Variants in SORCS2 observed in about 807,000 individuals in gnomAD.
The protein encoded by SORCS2 is sortilin related VPS10 domain containing receptor 2.
Under a neutral mutation model 141.6 loss-of-function variants are expected in SORCS2, and 100 were observed. That is an observed-to-expected ratio of 0.71 (90% CI 0.60 to 0.83). The LOEUF is 0.83. Among genes scored for constraint, SORCS2 ranks in the 40% least tolerant of loss-of-function variants. The pLI, the probability that SORCS2 is intolerant of heterozygous loss-of-function variation, is 0.00. For missense variants in SORCS2, 1,646 were observed against 1,560.2 expected, an observed-to-expected ratio of 1.05 and a Z score of -0.93; for synonymous variants, 789 against 676.9, an observed-to-expected ratio of 1.17 and a Z score of -2.57.
intron 3 of SORCS2, among the ~76,000 whole-genome samples, chr4:7,542,211 T>G (rs544691116): frequency 6.6e-6 from 1 of 152,242 alleles, no homozygotes; most frequent in African/African-American, 2.4e-5. Context: ...AATCAGTGAT[T>G]ATCAATTATT....
intron 2 of SORCS2, among the ~76,000 whole-genome samples, chr4:7,473,895 T>G (rs1730132741): frequency 6.6e-6 from 1 of 152,214 alleles, no homozygotes; most frequent in East Asian, 1.9e-4. Context: ...CTCCTTCCAG[T>G]GCATTCTGCA....
chr4:7,370,069 G>GC (rs1235928588), intron 1 of SORCS2, among the ~76,000 whole-genome samples: 2 of 152,292 alleles, frequency 1.3e-5, no homozygotes, highest in Admixed American at 6.5e-5. Context: ...TGGCCTCAGT[G>GC]CCCCCCCAGC....
chr4:7,250,066 AC>A (rs1250995845), intron 1 of SORCS2, among the ~76,000 whole-genome samples: 1 of 152,076 alleles, frequency 6.6e-6, no homozygotes, highest in African/African-American at 2.4e-5. Flanking sequence ...ACATGGTGAA[AC>A]CCCATCTCTA....
chr4:7,356,004 G>C (rs777754819), intron 1 of SORCS2, among the ~76,000 whole-genome samples: 1 of 152,182 alleles, frequency 6.6e-6, no homozygotes, highest in Non-Finnish European at 1.5e-5. Flanking sequence ...AGCCACTCTG[G>C]CCCTCTTTCT....
intron 1 of SORCS2, among the ~76,000 whole-genome samples, chr4:7,349,009 C>T (rs756461998): frequency 1.3e-5 from 2 of 152,226 alleles, no homozygotes; most frequent in Non-Finnish European, 2.9e-5. Context: ...CCCTTCCCCC[C>T]TCTGGCTTCC....
At position 7,387,915 on chromosome 4, in the gene SORCS2, C is replaced by A. The variant is rs923450813; in HGVS notation, c.481-8373C>A. Among the ~76,000 whole-genome samples the A allele has an allele frequency of 2.0e-5, 3 of 150,502 alleles. No individual in the cohort carries two copies. The East Asian group carries it at 5.9e-4, about 30-fold the overall frequency. On this transcript the variant is annotated intron_variant, in intron 1 of 26. Coordinates refer to ENST00000507866, the MANE Select transcript of SORCS2 (RefSeq NM_020777.3). ...AGGCACACAGAGATATACACACATG[C>A]ACACACCCACATGCACACACCGATA...
intron 8 of SORCS2, among the ~76,000 whole-genome samples, chr4:7,673,910 C>G (rs987022803): frequency 3.3e-5 from 5 of 152,220 alleles, no homozygotes; most frequent in Non-Finnish European, 5.9e-5. Context: ...GTCTAATTCC[C>G]TGCCACGGCC....
Position 7,542,291 on chromosome 4 carries a change from C to T in SORCS2, c.648+10662C>T, listed in dbSNP as rs78982732. On this transcript the variant is annotated intron_variant, in intron 3 of 26. Coordinates refer to ENST00000507866, the MANE Select transcript of SORCS2 (RefSeq NM_020777.3). Reference sequence around the variant, plus strand: ...ATTGTGCCCCCCAAAAAAATATGTCCGTGTCATAACTCCTCATCCCTGCCA... The same window carrying T: ...ATTGTGCCCCCCAAAAAAATATGTCTGTGTCATAACTCCTCATCCCTGCCA... 1.3e-3 allele frequency among the ~76,000 whole-genome samples: 192 copies of T among 152,316 alleles called. 6 individuals are homozygous for T. The East Asian group carries it at 0.03, about 23-fold the overall frequency.
intron 5 of SORCS2, among the ~76,000 whole-genome samples, chr4:7,654,504 G>C (rs1017462073): frequency 1.3e-5 from 2 of 152,170 alleles, no homozygotes; most frequent in African/African-American, 4.8e-5. Context: ...GTGGCCCTGT[G>C]CCACTGCTGT....
At chr4:7,454,101 G>C (rs1340589870) in intron 2 of SORCS2, among the ~76,000 whole-genome samples, 2 of 129,570 alleles carry the variant, frequency 1.5e-5, no homozygotes, top group Non-Finnish European at 3.3e-5. Context: ...TTGGGGTCAG[G>C]TGCTGTGTTG....
At chr4:7,661,130 A>C (rs1262028200) in intron 5 of SORCS2, among the ~76,000 whole-genome samples, 1 of 152,194 alleles carries the variant, frequency 6.6e-6, no homozygotes, top group Non-Finnish European at 1.5e-5. Context: ...AATAAAACAA[A>C]ACAAACAAAA....
At chr4:7,308,297 C>G (rs1213636979) in intron 1 of SORCS2, among the ~76,000 whole-genome samples, 1 of 152,164 alleles carries the variant, frequency 6.6e-6, no homozygotes, top group East Asian at 1.9e-4. Flanking sequence ...CCGCCTCCAA[C>G]CCCCTGCCCC....
intron 2 of SORCS2, among the ~76,000 whole-genome samples, chr4:7,441,358 C>A (rs548845753): frequency 6.6e-6 from 1 of 152,248 alleles, no homozygotes; most frequent in South Asian, 2.1e-4. Context: ...GCACTGCATA[C>A]AGAGGCCTGC....
At chr4:7,222,791 G>GCGC (rs1728787939) in intron 1 of SORCS2, among the ~76,000 whole-genome samples, 1 of 152,070 alleles carries the variant, frequency 6.6e-6, no homozygotes, top group Non-Finnish European at 1.5e-5. Flanking sequence ...TGGGGTGTGG[G>GCGC]TGCTGGGCAC....
intron 2 of SORCS2, among the ~76,000 whole-genome samples, chr4:7,471,857 A>G (rs1672897350): frequency 6.6e-6 from 1 of 152,264 alleles, no homozygotes; most frequent in Non-Finnish European, 1.5e-5. Flanking sequence ...CAGCCCCTGC[A>G]CAGGCTTTGC....
chr4:7,634,435 GCCCAGCTAAAAGGGCT>G (rs1720105505), intron 3 of SORCS2, among the ~76,000 whole-genome samples: 2 of 151,234 alleles, frequency 1.3e-5, no homozygotes, highest in East Asian at 3.9e-4. Context: ...GAGACACAAA[GCCCAGCTAAAAGGGCT>G]CCCTGGGGCC....
intron 2 of SORCS2, among the ~76,000 whole-genome samples, chr4:7,500,702 C>T (rs944240625): frequency 2.6e-5 from 4 of 152,108 alleles, no homozygotes; most frequent in South Asian, 2.1e-4. Flanking sequence ...AGAGAGGAAC[C>T]GGCTTTTACA....
intron 1 of SORCS2, among the ~76,000 whole-genome samples, chr4:7,219,635 A>G (rs547794867): frequency 4.9e-4 from 75 of 152,358 alleles, no homozygotes; most frequent in Middle Eastern, 3.4e-3. Flanking sequence ...TAAAACCATC[A>G]GATCTCGTGA....
chr4:7,494,877 G>A lies in SORCS2; in HGVS notation c.549-36653G>A, dbSNP rs189317603. 2.9e-3 allele frequency among the ~76,000 whole-genome samples: 441 copies of A among 152,334 alleles called. 1 individual carries two copies. The highest frequency in any genetic ancestry group is 5.2e-3 in the Non-Finnish European group (355 of 68,036). On this transcript the variant is annotated intron_variant, in intron 2 of 26. Coordinates refer to ENST00000507866, the MANE Select transcript of SORCS2 (RefSeq NM_020777.3). ...CTTTGGGCTCCGGCTCGTCTCTGCCGCTCTGAACTGGAAGTGGGTGATGGA... is the reference window on the plus strand; with the variant it reads ...CTTTGGGCTCCGGCTCGTCTCTGCCACTCTGAACTGGAAGTGGGTGATGGA...
Sources: allele counts gnomAD v4.1 joint callset (sites outside exome capture counted in the v4.1 genomes callset), GRCh38; gene constraint gnomAD v4.1.1; transcripts MANE v1.5; gene names NCBI Gene and HGNC (gene_info 2026-07-23, HGNC 2026-07-21).